HIVEP2: variants seen among roughly 807,000 people sequenced by gnomAD.
HIVEP2 encodes the protein transcription factor HIVEP2.
A neutral mutation model predicts 180.7 loss-of-function variants in HIVEP2; 14 were observed. That is an observed-to-expected ratio of 0.08 (90% confidence interval 0.05 to 0.12). The LOEUF (loss-of-function observed/expected upper bound fraction) is 0.12, where lower values mean the gene tolerates loss of function less well. HIVEP2 is among the 10% of genes least tolerant of loss of function. HIVEP2 has a pLI of 1.00. For synonymous variants in HIVEP2, 1,184 were observed against 1,136.4 expected, an observed-to-expected ratio of 1.04 and a Z score of -0.84; for missense variants, 2,579 against 3,008.5, an observed-to-expected ratio of 0.86 and a Z score of 3.34.
In HIVEP2 at chr6:142,943,257, T is replaced by G. The variant is rs1056851384; in HGVS notation, c.-641+1842A>C. On this transcript the variant is annotated intron_variant, in intron 1 of 9. Coordinates refer to ENST00000367603, the MANE Select transcript of HIVEP2 (RefSeq NM_006734.4). This position sits in a 1 kb window ranked among gnomAD's most constrained non-coding sequence, Gnocchi z 4.5. ...GTCTACTTCGTTAAAATTCTGCTTC[T>G]GGCACTCTTATAAGGTGAAAAAGCA... Among the ~76,000 whole-genome samples the G allele has an allele frequency of 3.9e-5, 6 of 152,198 alleles. No homozygotes were observed. Among genetic ancestry groups the G allele is most frequent in the Non-Finnish European group, 5.9e-5 (4 of 68,032 alleles).
At chr6:142,811,866 G>T (rs1333488302) in intron 2 of HIVEP2, among the ~76,000 whole-genome samples, 1 of 152,200 alleles carries the variant, frequency 6.6e-6, no homozygotes, top group Non-Finnish European at 1.5e-5. Context: ...ACATGGAGTA[G>T]CTGAAGCCAG....
chr6:142,789,094 A>C (rs1447778205), intron 2 of HIVEP2, among the ~76,000 whole-genome samples: 1 of 152,188 alleles, frequency 6.6e-6, no homozygotes, highest in Admixed American at 6.5e-5. Flanking sequence ...CTTGGGGAAT[A>C]AGGTGTTCTA....
At chr6:142,868,346 A>G (rs960969054) in intron 1 of HIVEP2, among the ~76,000 whole-genome samples, 4 of 152,232 alleles carry the variant, frequency 2.6e-5, no homozygotes, top group Non-Finnish European at 4.4e-5. Flanking sequence ...ATGGTTCACA[A>G]GAACAAAAAT....
At chr6:142,777,071 C>T (rs1775720810) in intron 3 of HIVEP2, among the ~76,000 whole-genome samples, 1 of 152,084 alleles carries the variant, frequency 6.6e-6, no homozygotes, top group Admixed American at 6.5e-5. Context: ...AAACTGTATC[C>T]ACTGTCATAG....
At chr6:142,900,866 C>T (rs981907449) in intron 1 of HIVEP2, among the ~76,000 whole-genome samples, 1 of 152,144 alleles carries the variant, frequency 6.6e-6, no homozygotes, top group Non-Finnish European at 1.5e-5. Context: ...CTCCCAGCCC[C>T]GTGCTTTGAA....
At chr6:142,807,717 C>T (rs1313280848) in intron 2 of HIVEP2, among the ~76,000 whole-genome samples, 2 of 152,046 alleles carry the variant, frequency 1.3e-5, no homozygotes, top group African/African-American at 4.8e-5. Context: ...AAAACCTTTG[C>T]AATATTGGGA....
At position 142,771,994 on chromosome 6, in the gene HIVEP2, C is replaced by T; in HGVS notation, c.2745G>A (p.Val915=). 1.2e-6 allele frequency: 2 copies of T among 1,614,186 alleles called. No homozygotes were observed. Among genetic ancestry groups the T allele is most frequent in the Middle Eastern group, 1.6e-4 (1 of 6,062 alleles). Residue 915 remains valine (V), a synonymous_variant, in exon 5 of 10, where the codon GTG becomes GTA. Coordinates refer to ENST00000367603, the MANE Select transcript of HIVEP2 (RefSeq NM_006734.4). This position sits in a 1 kb window ranked among gnomAD's most constrained non-coding sequence, Gnocchi z 5.4. ...TTCTCTGGGGCCACTGAAATTCTTCCACAGGCTTCTCTGGCTCTTTGCTCT... is the reference window on the plus strand; with the variant it reads ...TTCTCTGGGGCCACTGAAATTCTTCTACAGGCTTCTCTGGCTCTTTGCTCT... ...EAQSKEPEKP[V]EEFQWPQRSE...
intron 1 of HIVEP2, among the ~76,000 whole-genome samples, chr6:142,940,426 G>T (rs566145569): frequency 1.3e-5 from 2 of 152,202 alleles, no homozygotes; most frequent in Non-Finnish European, 2.9e-5. Flanking sequence ...TTATGCACAA[G>T]GTTCTTCCAA....
At chr6:142,922,605 T>G (rs1562293571) in intron 1 of HIVEP2, among the ~76,000 whole-genome samples, 2 of 152,152 alleles carry the variant, frequency 1.3e-5, no homozygotes, top group African/African-American at 4.8e-5. Flanking sequence ...GTGAGCAAAC[T>G]GGAGGCTAAG....
chr6:142,917,673 T>C (rs993324019), intron 1 of HIVEP2, among the ~76,000 whole-genome samples: 22 of 152,314 alleles, frequency 1.4e-4, no homozygotes, highest in African/African-American at 5.3e-4. Context: ...GCAAAGCTAA[T>C]CCATATCCCA....
rs539587942 is a variant in HIVEP2 at position 142,768,760 on chromosome 6, A to G, written c.5188-224T>C. On this transcript the variant is annotated intron_variant, in intron 5 of 9. Transcript: ENST00000367603. ...TTACAGCTATATATAATAAGTACAT[A>G]TATTATATATAAAAATATATAGATA... Among the ~76,000 whole-genome samples, 7 of 149,522 alleles carry G rather than the reference A, an allele frequency of 4.7e-5. No individual in the cohort carries two copies. In the South Asian group the frequency reaches 1.5e-3, roughly 31 times the overall value.
At chr6:142,938,138 A>G (rs1778098121) in intron 1 of HIVEP2, among the ~76,000 whole-genome samples, 1 of 152,234 alleles carries the variant, frequency 6.6e-6, no homozygotes, top group African/African-American at 2.4e-5. Context: ...ATGAGGTCCA[A>G]AGAGCTTCGA....
intron 2 of HIVEP2, among the ~76,000 whole-genome samples, chr6:142,835,157 G>A (rs1320438297): frequency 6.6e-6 from 1 of 152,114 alleles, no homozygotes; most frequent in Non-Finnish European, 1.5e-5. Flanking sequence ...CCTAGTACCT[G>A]CCAGGTATTT....
rs192312913 is a variant in HIVEP2, at chr6:142,783,129, A to T, written c.-433+392T>A. 4.1e-3 allele frequency among the ~76,000 whole-genome samples: 623 copies of T among 152,174 alleles called. 5 individuals carry two copies. Among genetic ancestry groups the T allele is most frequent in the African/African-American group, 0.014 (567 of 41,530 alleles). On this transcript the variant is annotated intron_variant, in intron 3 of 9. Transcript: ENST00000367603. ...GGGAGGCCGAGGTCAAGAGATCGAG[A>T]CCATCCTGGCCAACATGGTGAAACC...
rs535780755 is a variant in HIVEP2 at position 142,862,873 on chromosome 6, A to T, written c.-640-25826T>A. Among the ~76,000 whole-genome samples the T allele has an allele frequency of 8.3e-4, 108 of 129,748 alleles. 1 individual carries two copies. In the South Asian group the frequency reaches 0.021, roughly 25 times the overall value. The allele number at this position is 129,748 out of a possible 152,430, so 85.1% of individuals were successfully genotyped here. On this transcript the variant is annotated intron_variant, in intron 1 of 9. Coordinates refer to ENST00000367603, the MANE Select transcript of HIVEP2 (RefSeq NM_006734.4). ...ATTTATATATAATATATAAATATCT[A>T]TTATATGTATATATTGCATATAATA...
At chr6:142,765,213 T>C (rs1775351941) in intron 6 of HIVEP2, among the ~76,000 whole-genome samples, 1 of 152,218 alleles carries the variant, frequency 6.6e-6, no homozygotes, top group East Asian at 1.9e-4. Flanking sequence ...GGAATTGGCT[T>C]CACTATTACA....
At chr6:142,911,139 T>TAAAAAAAAAAAAAAAAAAAAAAATAA (rs5880554) in intron 1 of HIVEP2, among the ~76,000 whole-genome samples, 1 of 106,206 alleles carries the variant, frequency 9.4e-6, no homozygotes, top group Non-Finnish European at 1.9e-5. Context: ...ACAAACACAT[T>TAAAAAAAAAAAAAAAAAAAAAAATAA]AAAAAAAAAA....
Position 142,760,578 on chromosome 6 carries a change from C to A in HIVEP2, c.5710G>T (p.Asp1904Tyr). ...TCATTATCATCTCCATCCTCACCAT[C>A]TGATTCCTCAGCATCGGAGAACTGA... ...DHQFSDAEES[D>Y]GEDGDDNDDD... is the part of the protein sequence containing the mutation. Residue 1904 changes from aspartate to tyrosine, a missense_variant, in exon 9 of 10, where the codon GAT becomes TAT. This residue lies in a region of HIVEP2 where 660 missense variants were observed against 731.7 expected (regional missense o/e 0.90). Coordinates refer to ENST00000367603, the MANE Select transcript of HIVEP2 (RefSeq NM_006734.4). 6.2e-7 allele frequency: 1 copy of A among 1,613,680 alleles called. No homozygotes were observed. The highest frequency in any genetic ancestry group is 2.2e-5 in the East Asian group (1 of 44,882).
At chr6:142,938,470 T>G (rs1353751963) in intron 1 of HIVEP2, among the ~76,000 whole-genome samples, 1 of 152,248 alleles carries the variant, frequency 6.6e-6, no homozygotes, top group Admixed American at 6.5e-5. Flanking sequence ...TCCTATAATC[T>G]TCTTTATATG....
Sources: gnomAD v4.1 joint callset for allele counts (sites outside exome capture counted in the v4.1 genomes callset) on GRCh38, gnomAD v4.1.1 for gene constraint, gnomAD v4.1.1 regional missense constraint, Gnocchi (gnomAD v3.1) non-coding constraint, MANE v1.5 for transcripts, NCBI Gene and HGNC (gene_info 2026-07-23, HGNC 2026-07-21) for gene names.